Variants in C2orf92 observed in about 807,000 individuals in gnomAD.
C2orf92 encodes uncharacterized protein C2orf92.
Position 97,683,097 on chromosome 2 carries a change from C to T in C2orf92, c.233-5798C>T, listed in dbSNP as rs186825641. On this transcript the variant is annotated intron_variant, in intron 3 of 7. Transcript: ENST00000627399. ...GACTCCACACACACACACACACACA[C>T]ACACACACACACACACAAACATATT... 4.4e-3 allele frequency among the ~76,000 whole-genome samples: 670 copies of T among 151,850 alleles called. 5 individuals carry two copies. The highest frequency in any genetic ancestry group is 0.014 in the South Asian group (69 of 4,812).
chr2:97,702,444 A>AGTT (rs1484730269), intron 7 of C2orf92, among the ~76,000 whole-genome samples: 1 of 152,160 alleles, frequency 6.6e-6, no homozygotes, highest in African/African-American at 2.4e-5. Context: ...GACCAGTCAA[A>AGTT]GTTGTGGGTG....
intron 3 of C2orf92, among the ~76,000 whole-genome samples, chr2:97,679,837 CAA>C (rs55696146): frequency 2.1e-5 from 2 of 94,724 alleles, no homozygotes; most frequent in Admixed American, 2.4e-4. Context: ...AACTCTATCT[CAA>C]AAAAAAAAAA....
chr2:97,694,841 T>C (rs1676260764), intron 5 of C2orf92, among the ~76,000 whole-genome samples: 1 of 152,194 alleles, frequency 6.6e-6, no homozygotes, highest in African/African-American at 2.4e-5. Context: ...CCATTTGCAT[T>C]CCTACCAACA....
chr2:97,688,550 C>G (rs1439665801), intron 3 of C2orf92, among the ~76,000 whole-genome samples: 2 of 152,160 alleles, frequency 1.3e-5, no homozygotes, highest in Admixed American at 6.5e-5. Context: ...AAACTTTACC[C>G]TATTTTTATG....
chr2:97,688,724 G>GTAATT (rs1442490912), intron 3 of C2orf92, among the ~76,000 whole-genome samples, 171 bp from the exon 4 acceptor site: 2 of 152,130 alleles, frequency 1.3e-5, no homozygotes, highest in African/African-American at 4.8e-5. Context: ...AATGATTTAG[G>GTAATT]TAATTGGAGT....
intron 1 of C2orf92, chr2:97,671,244 A>G (rs959749296): frequency 3.5e-5 from 13 of 370,120 alleles, no homozygotes; most frequent in Non-Finnish European, 5.3e-5. Flanking sequence ...CCTGACCTCA[A>G]TGGATCCTCC....
chr2:97,702,201 C>T (rs1248093158), intron 7 of C2orf92: 1 of 152,364 alleles, frequency 6.6e-6, no homozygotes, highest in East Asian at 1.9e-4. Context: ...ATCCCCACCC[C>T]TACCCACCCT....
chr2:97,701,815 G>C (rs950104525), intron 7 of C2orf92, among the ~76,000 whole-genome samples: 1 of 152,162 alleles, frequency 6.6e-6, no homozygotes, highest in African/African-American at 2.4e-5. Context: ...TGCAAATGAA[G>C]GATTAGTGCC....
chr2:97,694,826 C>T (rs1415522560), intron 5 of C2orf92, among the ~76,000 whole-genome samples: 1 of 152,152 alleles, frequency 6.6e-6, no homozygotes, highest in African/African-American at 2.4e-5. Flanking sequence ...CCCATCATGG[C>T]GGTACCATTT....
At chr2:97,667,525 C>T (rs1161870382), upstream of C2orf92, among the ~76,000 whole-genome samples, 4 of 151,266 alleles carry the variant, frequency 2.6e-5, no homozygotes, top group East Asian at 3.9e-4. Context: ...CTCCGCCTCC[C>T]GGGTTCATGC....
chr2:97,701,865 G>T (rs1676506956), intron 7 of C2orf92, among the ~76,000 whole-genome samples: 1 of 152,116 alleles, frequency 6.6e-6, no homozygotes, highest in Non-Finnish European at 1.5e-5. Context: ...CTTCAGTGGT[G>T]GTCATTTTGA....
chr2:97,677,614 A>C (rs1036731756), intron 3 of C2orf92: 1 of 152,250 alleles, frequency 6.6e-6, no homozygotes, highest in Admixed American at 6.5e-5. Flanking sequence ...GAGTTATCAA[A>C]ATGTAATACA....
intron 6 of C2orf92, among the ~76,000 whole-genome samples, 176 bp from the exon 7 acceptor site, chr2:97,700,978 G>A (rs560362216): frequency 3.9e-5 from 6 of 152,020 alleles, no homozygotes; most frequent in Non-Finnish European, 8.8e-5. Flanking sequence ...TGATCCGCCC[G>A]CCTCAGCCTC....
In C2orf92 at chr2:97,687,900, G is replaced by A. The variant is rs1199425588; in HGVS notation, c.233-995G>A. ...TGCAGTCCCCCTAGCTGTGCCCTCA[G>A]CACCTGCTGTCTAGGAGGCAGAAGC... On this transcript the variant is annotated intron_variant, in intron 3 of 7. Transcript: ENST00000627399. Among the ~76,000 whole-genome samples the A allele has an allele frequency of 5.3e-5, 8 of 150,670 alleles. No homozygotes were observed. In the East Asian group the frequency reaches 1.4e-3, roughly 26 times the overall value.
At position 97,680,344 on chromosome 2, in the gene C2orf92, A is replaced by G. The variant is rs910928752; in HGVS notation, c.232+4416A>G. Among the ~76,000 whole-genome samples the G allele has an allele frequency of 4.6e-5, 7 of 152,182 alleles. No homozygotes were observed. In the East Asian group the frequency reaches 1.2e-3, roughly 25 times the overall value. ...AAAATGGCAGATTAAATACTTTTTA[A>G]TCAGTAATCACATTAAATTTAAATG... On this transcript the variant is annotated intron_variant, in intron 3 of 7. Transcript: ENST00000627399.
intron 5 of C2orf92, chr2:97,691,247 T>C (rs1266723401): frequency 6.6e-6 from 1 of 152,396 alleles, no homozygotes; most frequent in Admixed American, 6.5e-5. Context: ...AGAATGTTTA[T>C]TCTCTGCAGG....
chr2:97,670,180 A>G (rs1248700705), intron 1 of C2orf92: 2 of 178,494 alleles, frequency 1.1e-5, no homozygotes, highest in Non-Finnish European at 2.3e-5. Context: ...TTATCTATAT[A>G]TATGCACTAT....
chr2:97,690,144 A>C (rs767353603), intron 4 of C2orf92, 112 bp from the exon 5 acceptor site: 38 of 368,838 alleles, frequency 1.0e-4, no homozygotes, highest in East Asian at 2.3e-4. Context: ...ACAAAAAAAA[A>C]CCACAAAAAA....
In C2orf92 at chr2:97,679,612, T is replaced by C. The variant is rs578220416; in HGVS notation, c.232+3684T>C. Reference sequence around the variant, plus strand: ...ATCCCAGCCATTTGGGAGGCTGAGGTGGGGGGATCACCTGAGGTCAGGAGT... The same window carrying C: ...ATCCCAGCCATTTGGGAGGCTGAGGCGGGGGGATCACCTGAGGTCAGGAGT... On this transcript the variant is annotated intron_variant, in intron 3 of 7. Coordinates refer to ENST00000627399, the MANE Select transcript of C2orf92 (RefSeq NM_001351368.2). 5.3e-5 allele frequency among the ~76,000 whole-genome samples: 8 copies of C among 151,052 alleles called. No individual in the cohort carries two copies. The East Asian group carries it at 1.4e-3, about 26-fold the overall frequency.
Sources: gnomAD v4.1 joint callset for allele counts (sites outside exome capture counted in the v4.1 genomes callset) on GRCh38, gnomAD v4.1.1 for gene constraint, MANE v1.5 for transcripts, NCBI Gene and HGNC (gene_info 2026-07-23, HGNC 2026-07-21) for gene names.